Variants in COL24A1 observed in about 807,000 individuals in gnomAD.
COL24A1 encodes the protein collagen alpha-1(XXIV) chain.
A neutral mutation model predicts 253.9 loss-of-function variants in COL24A1; 224 were observed. That is an observed-to-expected ratio of 0.88 (90% CI 0.79 to 0.99). The LOEUF is 0.99. Among genes scored for constraint, COL24A1 ranks in the 50% least tolerant of loss-of-function variants. The pLI is 0.00. For synonymous variants in COL24A1, 685 were observed against 673.7 expected (o/e 1.02, Z -0.26); for missense variants, 2,131 against 2,068.5 (o/e 1.03, Z -0.59).
chr1:85,788,910 G>A (rs1250838248), intron 47 of COL24A1, among the ~76,000 whole-genome samples: 5 of 151,964 alleles, frequency 3.3e-5, no homozygotes, highest in East Asian at 1.9e-4. Context: ...ATTCTGGTCC[G>A]TTGGTCTATG....
intron 20 of COL24A1, 48 bp downstream of exon 20, chr1:85,987,553 C>T (rs761360359): frequency 1.5e-5 from 22 of 1,466,136 alleles, no homozygotes; most frequent in Non-Finnish European, 1.8e-5. Flanking sequence ...GAATCAGGAG[C>T]TCTAGATAAC....
At chr1:85,930,174 G>C (rs1392655280) in intron 24 of COL24A1, among the ~76,000 whole-genome samples, 1 of 55,388 alleles carries the variant, frequency 1.8e-5, no homozygotes, top group Non-Finnish European at 3.3e-5. Context: ...CAACAAAATT[G>C]ATAGACTGCT....
At chr1:85,981,048 T>C (rs1409982001) in intron 20 of COL24A1, among the ~76,000 whole-genome samples, 1 of 152,188 alleles carries the variant, frequency 6.6e-6, no homozygotes, top group Non-Finnish European at 1.5e-5. Context: ...ATGGGCAGAA[T>C]AAATATTGTG....
intron 5 of COL24A1, among the ~76,000 whole-genome samples, chr1:86,108,016 A>T (rs911239649): frequency 2.5e-4 from 38 of 152,148 alleles, no homozygotes; most frequent in Non-Finnish European, 4.6e-4. Flanking sequence ...GAGTTCATAA[A>T]ATATCTTATT....
chr1:86,082,943 G>A (rs1702760136), intron 7 of COL24A1, among the ~76,000 whole-genome samples: 1 of 151,698 alleles, frequency 6.6e-6, no homozygotes, highest in African/African-American at 2.4e-5. Context: ...AAAATAATTC[G>A]GATTTTGGAG....
intron 32 of COL24A1, among the ~76,000 whole-genome samples, chr1:85,883,333 C>G (rs1012707873): frequency 7.2e-5 from 11 of 152,014 alleles, no homozygotes; most frequent in Admixed American, 6.6e-4. Context: ...GATTCTCCCA[C>G]TTCAGCCCCC....
chr1:86,010,971 T>G (rs1418162114), intron 19 of COL24A1, among the ~76,000 whole-genome samples: 1 of 152,084 alleles, frequency 6.6e-6, no homozygotes, highest in Non-Finnish European at 1.5e-5. Context: ...CTACTGAGAT[T>G]GGATACCTCA....
intron 43 of COL24A1, among the ~76,000 whole-genome samples, chr1:85,834,247 G>T (rs188172204): frequency 5.9e-5 from 9 of 151,998 alleles, no homozygotes; most frequent in Admixed American, 2.6e-4. Context: ...CATGAGTAGG[G>T]GTATGGGGAA....
chr1:85,956,752 TA>T (rs754017168), intron 24 of COL24A1, among the ~76,000 whole-genome samples: 179 of 152,292 alleles, frequency 1.2e-3, no homozygotes, highest in African/African-American at 4.2e-3. Context: ...CCCCACCGAT[TA>T]TTTGCCAAAG....
At chr1:85,915,725 T>C (rs1043127654) in intron 24 of COL24A1, among the ~76,000 whole-genome samples, 1 of 152,214 alleles carries the variant, frequency 6.6e-6, no homozygotes, top group African/African-American at 2.4e-5. Context: ...CTTGGTTCAC[T>C]GCAACTTCAG....
chr1:86,012,002 G>A (rs922757571), intron 19 of COL24A1, among the ~76,000 whole-genome samples: 9 of 152,020 alleles, frequency 5.9e-5, no homozygotes, highest in South Asian at 2.1e-4. Context: ...CTTTTTAGTA[G>A]AGACAAAGCC....
chr1:85,792,651 T>C (rs1670412793), intron 47 of COL24A1, among the ~76,000 whole-genome samples: 1 of 151,928 alleles, frequency 6.6e-6, no homozygotes, highest in South Asian at 2.1e-4. Context: ...AAAGATGCAG[T>C]GAGCCATGAT....
intron 19 of COL24A1, among the ~76,000 whole-genome samples, chr1:86,005,124 C>T (rs181583208): frequency 6.6e-6 from 1 of 152,162 alleles, no homozygotes; most frequent in Non-Finnish European, 1.5e-5. Context: ...AGTTGTGGCT[C>T]TGAGAACAAC....
At position 85,962,354 on chromosome 1, in the gene COL24A1, T is replaced by C. The variant is rs72954559; in HGVS notation, c.2518-1061A>G. On this transcript the variant is annotated intron_variant, in intron 23 of 59. Coordinates refer to ENST00000370571, the MANE Select transcript of COL24A1 (RefSeq NM_152890.7). ...GTGGCAAACTTGACCTAACTTGGAT[T>C]GATTTGGCAGTAAAGCTTATTTTGT... 6.0e-3 allele frequency among the ~76,000 whole-genome samples: 914 copies of C among 152,304 alleles called. 6 individuals carry two copies. The highest frequency in any genetic ancestry group is 0.02 in the African/African-American group (822 of 41,580).
chr1:86,062,682 C>T (rs182759488), intron 8 of COL24A1, among the ~76,000 whole-genome samples: 79 of 152,270 alleles, frequency 5.2e-4, no homozygotes, highest in Non-Finnish European at 9.1e-4. Context: ...TAATCCCACT[C>T]ACCCTTCTCA....
At chr1:86,131,862 T>C (rs1274173336) in intron 2 of COL24A1, among the ~76,000 whole-genome samples, 1 of 152,216 alleles carries the variant, frequency 6.6e-6, no homozygotes, top group African/African-American at 2.4e-5. Context: ...TTTATAATCT[T>C]TTGGGTATAT....
chr1:86,115,535 AG>A (rs1241074184), intron 3 of COL24A1, among the ~76,000 whole-genome samples, 157 bp from the exon 4 acceptor site: 25 of 152,222 alleles, frequency 1.6e-4, no homozygotes, highest in African/African-American at 5.5e-4. Flanking sequence ...TACCCTAATC[AG>A]CAGGGGTGAG....
At chr1:85,929,837 G>C (rs1296639536) in intron 24 of COL24A1, among the ~76,000 whole-genome samples, 2 of 150,820 alleles carry the variant, frequency 1.3e-5, no homozygotes, top group South Asian at 4.3e-4. Flanking sequence ...ATGACTACTG[G>C]GTACATAACG....
intron 32 of COL24A1, among the ~76,000 whole-genome samples, chr1:85,884,663 G>C (rs1682261585): frequency 6.6e-6 from 1 of 152,198 alleles, no homozygotes; most frequent in South Asian, 2.1e-4. Flanking sequence ...CTGAAGGCTA[G>C]AGGGAGGTGA....
Sources: allele counts gnomAD v4.1 joint callset (sites outside exome capture counted in the v4.1 genomes callset), GRCh38; gene constraint gnomAD v4.1.1; transcripts MANE v1.5; gene names NCBI Gene and HGNC (gene_info 2026-07-23, HGNC 2026-07-21).